LRP1B: variants seen among roughly 807,000 people sequenced by gnomAD.
LRP1B encodes LDL receptor related protein 1B.
In LRP1B, 217 loss-of-function variants were observed where a neutral mutation model predicts 556.6. That is an observed-to-expected ratio of 0.39 (90% CI 0.35 to 0.44). The LOEUF (loss-of-function observed/expected upper bound fraction) is 0.44, where lower values mean the gene tolerates loss of function less well. Among genes scored for constraint, LRP1B ranks in the 20% least tolerant of loss-of-function variants. LRP1B has a pLI of 1.00. For synonymous variants in LRP1B, 2,047 were observed against 1,865.8 expected, an observed-to-expected ratio of 1.10 and a Z score of -2.50; for missense variants, 5,053 against 5,620.8, an observed-to-expected ratio of 0.90 and a Z score of 3.23.
At chr2:140,616,235 T>C (rs1286581440) in intron 41 of LRP1B, among the ~76,000 whole-genome samples, 1 of 151,960 alleles carries the variant, frequency 6.6e-6, no homozygotes, top group African/African-American at 2.4e-5. Context: ...ACTTAAAACA[T>C]AAACTATTTT....
intron 2 of LRP1B, among the ~76,000 whole-genome samples, chr2:141,646,765 A>G (rs528246712): frequency 6.6e-6 from 1 of 152,186 alleles, no homozygotes; most frequent in Non-Finnish European, 1.5e-5. Flanking sequence ...AATCAGAGAA[A>G]CGTAAGCAAG....
chr2:141,987,943 C>T (rs1389433427), intron 1 of LRP1B, among the ~76,000 whole-genome samples: 2 of 151,692 alleles, frequency 1.3e-5, no homozygotes, highest in African/African-American at 2.4e-5. Flanking sequence ...ATATAAGTGG[C>T]GTATGCAAAG....
At chr2:140,784,616 G>C (rs1287713878) in intron 32 of LRP1B, among the ~76,000 whole-genome samples, 1 of 151,460 alleles carries the variant, frequency 6.6e-6, no homozygotes, top group Non-Finnish European at 1.5e-5. Flanking sequence ...AGAAACAGAA[G>C]CAGCAGCAAA....
intron 1 of LRP1B, among the ~76,000 whole-genome samples, chr2:141,967,471 G>GA (rs1701595786): frequency 6.6e-6 from 1 of 151,830 alleles, no homozygotes; most frequent in Non-Finnish European, 1.5e-5. Context: ...ATTTTTAACA[G>GA]AAAATCTCAC....
chr2:140,966,862 G>T (rs962505328), intron 18 of LRP1B, among the ~76,000 whole-genome samples: 18 of 152,078 alleles, frequency 1.2e-4, no homozygotes, highest in African/African-American at 4.3e-4. Context: ...TAGATGTGTG[G>T]TATTATTTCT....
At chr2:141,782,383 G>A (rs1167676489) in intron 2 of LRP1B, among the ~76,000 whole-genome samples, 2 of 151,730 alleles carry the variant, frequency 1.3e-5, no homozygotes, top group African/African-American at 4.8e-5. Context: ...GCTTATGCAT[G>A]TTTTTGACAA....
At chr2:140,822,587 C>T (rs763927825) in intron 31 of LRP1B, among the ~76,000 whole-genome samples, 9 of 152,172 alleles carry the variant, frequency 5.9e-5, no homozygotes, top group Middle Eastern at 3.2e-3. Flanking sequence ...TTGTGAGGCA[C>T]AATTGGCTAA....
chr2:140,741,852 C>CA (rs1471906775), intron 35 of LRP1B, among the ~76,000 whole-genome samples: 1 of 152,106 alleles, frequency 6.6e-6, no homozygotes, highest in African/African-American at 2.4e-5. Context: ...TAAGTGAGAA[C>CA]ATGCACTATT....
intron 1 of LRP1B, among the ~76,000 whole-genome samples, chr2:141,917,501 A>T (rs1394877996): frequency 6.6e-6 from 1 of 152,214 alleles, no homozygotes; most frequent in African/African-American, 2.4e-5. Flanking sequence ...GCAAAAGTAA[A>T]TATCATGTAT....
chr2:140,321,661 ATTGTT>A (rs1031951887), intron 82 of LRP1B, among the ~76,000 whole-genome samples: 11 of 150,732 alleles, frequency 7.3e-5, no homozygotes, highest in African/African-American at 2.7e-4. Context: ...CTCAAAAAAT[ATTGTT>A]TTATCTAATA....
chr2:141,116,254 T>C (rs1303176855), intron 7 of LRP1B, among the ~76,000 whole-genome samples: 1 of 152,172 alleles, frequency 6.6e-6, no homozygotes, highest in African/African-American at 2.4e-5. Flanking sequence ...ACGTTTTCAT[T>C]TTAAAATAAA....
At chr2:141,394,620 T>G (rs1690174007) in intron 3 of LRP1B, among the ~76,000 whole-genome samples, 1 of 152,052 alleles carries the variant, frequency 6.6e-6, no homozygotes, top group South Asian at 2.1e-4. Flanking sequence ...TACTAAATGG[T>G]GTATCAATGT....
At chr2:140,770,414 C>T (rs1035471909) in intron 34 of LRP1B, among the ~76,000 whole-genome samples, 8 of 152,020 alleles carry the variant, frequency 5.3e-5, no homozygotes, top group African/African-American at 1.9e-4. Flanking sequence ...GACTGCAAAA[C>T]AGGAAGATTT....
intron 1 of LRP1B, among the ~76,000 whole-genome samples, chr2:141,844,655 C>G (rs2105764999): frequency 6.6e-6 from 1 of 152,146 alleles, no homozygotes; most frequent in Non-Finnish European, 1.5e-5. Flanking sequence ...AAAAAGAAGA[C>G]TCACATCCAC....
intron 3 of LRP1B, among the ~76,000 whole-genome samples, chr2:141,366,444 A>T (rs1689037055): frequency 1.3e-5 from 2 of 152,216 alleles, no homozygotes; most frequent in African/African-American, 4.8e-5. Flanking sequence ...AAATACGTCT[A>T]TTGTTTTTTG....
intron 66 of LRP1B, among the ~76,000 whole-genome samples, chr2:140,397,070 T>C (rs909743875): frequency 3.9e-5 from 6 of 152,232 alleles, no homozygotes; most frequent in African/African-American, 1.2e-4. Flanking sequence ...ATCTGAGATA[T>C]ATGGAAGATT....
chr2:140,384,064 C>T (rs1272067919), intron 67 of LRP1B, among the ~76,000 whole-genome samples: 1 of 152,050 alleles, frequency 6.6e-6, no homozygotes, highest in Non-Finnish European at 1.5e-5. Context: ...GCAGGCGAGC[C>T]CTTCCTTCTT....
intron 2 of LRP1B, among the ~76,000 whole-genome samples, chr2:141,735,496 C>T (rs115108445): frequency 1.8e-4 from 10 of 55,066 alleles, no homozygotes; most frequent in African/African-American, 7.7e-4. Flanking sequence ...AGATCAGCAG[C>T]AAACATGTTT....
intron 1 of LRP1B, among the ~76,000 whole-genome samples, chr2:141,921,109 C>T (rs1700173585): frequency 6.6e-6 from 1 of 151,914 alleles, no homozygotes; most frequent in Non-Finnish European, 1.5e-5. Flanking sequence ...AATTACTTTC[C>T]TTAAGGCTAC....
Sources: gnomAD v4.1 joint callset for allele counts (sites outside exome capture counted in the v4.1 genomes callset) on GRCh38, gnomAD v4.1.1 for gene constraint, MANE v1.5 for transcripts, NCBI Gene and HGNC (gene_info 2026-07-23, HGNC 2026-07-21) for gene names.